HS6ST2: variants seen among roughly 807,000 people sequenced by gnomAD.
HS6ST2 encodes heparan-sulfate 6-O-sulfotransferase 2.
HS6ST2 carries 17 observed loss-of-function variants against 33.0 expected under a neutral mutation model. The observed-to-expected ratio is 0.52, with a 90% confidence interval of 0.35 to 0.77. The LOEUF (loss-of-function observed/expected upper bound fraction) is 0.77. Among genes scored for constraint, HS6ST2 ranks in the 30% least tolerant of loss-of-function variants. HS6ST2 has a pLI of 0.01. For missense variants in HS6ST2, 519 were observed against 551.7 expected (o/e 0.94, Z 0.59); for synonymous variants, 248 against 237.1 (o/e 1.05, Z -0.42).
At chrX:132,711,017 C>T (rs979621242) in intron 2 of HS6ST2, among the ~76,000 whole-genome samples, 1 of 111,743 alleles carries the variant, frequency 8.9e-6, no homozygotes, top group Non-Finnish European at 1.9e-5. Flanking sequence ...GGTTACCATG[C>T]CCATGACCCA....
At chrX:132,944,840 T>A (rs1281568724) in intron 2 of HS6ST2, among the ~76,000 whole-genome samples, 2 of 110,573 alleles carry the variant, frequency 1.8e-5, no homozygotes, top group Non-Finnish European at 3.8e-5. Flanking sequence ...TTACACCTTA[T>A]ACAAAAATTA....
intron 2 of HS6ST2, among the ~76,000 whole-genome samples, chrX:132,867,105 T>C (rs1196234637): frequency 1.0e-5 from 1 of 98,320 alleles, no homozygotes; most frequent in Non-Finnish European, 2.0e-5. Flanking sequence ...AGTATGATAT[T>C]GGCTGTGGGT....
chrX:132,899,152 T>C, intron 2 of HS6ST2, among the ~76,000 whole-genome samples: 1 of 111,778 alleles, frequency 8.9e-6, no homozygotes, highest in East Asian at 2.8e-4. Context: ...TCCAATTAAC[T>C]GCATGCTGGT....
chrX:132,746,834 C>T (rs1363311649), intron 2 of HS6ST2, among the ~76,000 whole-genome samples: 1 of 111,990 alleles, frequency 8.9e-6, no homozygotes, highest in Non-Finnish European at 1.9e-5. Context: ...GAGCAGGGCT[C>T]TTCAGGACTT....
chrX:132,759,801 A>T (rs1279782903), intron 2 of HS6ST2, among the ~76,000 whole-genome samples: 2 of 112,112 alleles, frequency 1.8e-5, no homozygotes, highest in Admixed American at 9.4e-5. Flanking sequence ...ACAATCAGCT[A>T]AGATCACCAC....
chrX:132,648,797 G>A (rs2063666645), intron 4 of HS6ST2, among the ~76,000 whole-genome samples: 1 of 111,558 alleles, frequency 9.0e-6, no homozygotes, highest in South Asian at 3.8e-4. Flanking sequence ...CTGATTCTTG[G>A]TTGGGTCAAT....
chrX:132,783,646 AG>A (rs2065034483), intron 2 of HS6ST2, among the ~76,000 whole-genome samples: 1 of 110,976 alleles, frequency 9.0e-6, no homozygotes, highest in African/African-American at 3.3e-5. Context: ...GGGAATTCCC[AG>A]GGAGACCCCA....
intron 2 of HS6ST2, among the ~76,000 whole-genome samples, chrX:132,910,104 C>A (rs2066518658): frequency 8.9e-6 from 1 of 111,918 alleles, no homozygotes; most frequent in South Asian, 3.8e-4. Flanking sequence ...CATCTGGAAT[C>A]CTGAAAGCCT....
intron 4 of HS6ST2, among the ~76,000 whole-genome samples, chrX:132,648,446 T>G (rs1451677590): frequency 1.8e-5 from 2 of 108,351 alleles, no homozygotes; most frequent in African/African-American, 6.8e-5. Flanking sequence ...ACTGTATTTA[T>G]CATTCTGAAA....
At chrX:132,880,915 T>C (rs2066164254) in intron 2 of HS6ST2, among the ~76,000 whole-genome samples, 1 of 109,577 alleles carries the variant, frequency 9.1e-6, no homozygotes, top group Non-Finnish European at 1.9e-5. Context: ...CTGAGAATGA[T>C]GGTTTCCAGC....
intron 2 of HS6ST2, among the ~76,000 whole-genome samples, chrX:132,797,102 A>C (rs2065188710): frequency 9.0e-6 from 1 of 111,338 alleles, no homozygotes; most frequent in Admixed American, 9.6e-5. Context: ...CCCTGACTGA[A>C]GCGGGGTATT....
chrX:132,743,191 G>A, intron 2 of HS6ST2, among the ~76,000 whole-genome samples: 1 of 112,810 alleles, frequency 8.9e-6, no homozygotes, highest in Non-Finnish European at 1.9e-5. Context: ...TAAAGGTCAA[G>A]CTGCAATCCA....
At position 132,807,019 on chromosome X, in the gene HS6ST2, G is replaced by A. The variant is rs971362675; in HGVS notation, c.948-98525C>T. ...CATTGAGACACAAGAAAGGTGAAAC[G>A]AGTTACCCAAGACTGCACAGCTACT... On this transcript the variant is annotated intron_variant, in intron 2 of 4. Coordinates refer to ENST00000370833, the MANE Select transcript of HS6ST2 (RefSeq NM_001394073.1). 1.6e-4 allele frequency among the ~76,000 whole-genome samples: 18 copies of A among 110,393 alleles called. 1 individual carries two copies. The highest frequency in any genetic ancestry group is 5.7e-5 in the Non-Finnish European group (3 of 52,235).
At chrX:132,746,277 C>T (rs1360325516) in intron 2 of HS6ST2, among the ~76,000 whole-genome samples, 1 of 110,852 alleles carries the variant, frequency 9.0e-6, no homozygotes, top group East Asian at 2.8e-4. Flanking sequence ...CTGAGGCAGG[C>T]GGATCATGAG....
intron 2 of HS6ST2, among the ~76,000 whole-genome samples, chrX:132,711,554 T>C (rs965219404): frequency 1.8e-5 from 2 of 111,544 alleles, no homozygotes; most frequent in African/African-American, 3.3e-5. Flanking sequence ...CCAGTTCCAA[T>C]ATTCTTTCAT....
At chrX:132,937,767 A>G (rs1000813365) in intron 2 of HS6ST2, among the ~76,000 whole-genome samples, 1 of 111,710 alleles carries the variant, frequency 9.0e-6, no homozygotes, top group African/African-American at 3.3e-5. Flanking sequence ...CAATCCAGCA[A>G]TATATAAAAA....
At chrX:132,849,456 C>T (rs939670491) in intron 2 of HS6ST2, among the ~76,000 whole-genome samples, 1 of 111,792 alleles carries the variant, frequency 8.9e-6, no homozygotes, top group Non-Finnish European at 1.9e-5. Flanking sequence ...AGGGGTTACA[C>T]TAACAATATC....
Position 132,837,888 on chromosome X carries a change from C to T in HS6ST2, c.947+118920G>A, listed in dbSNP as rs143021444. ...ATCTTGTAAGGAGTCATTGCTTAAT[C>T]AATGGCTTTGTTGTGAACAATTAAC... On this transcript the variant is annotated intron_variant, in intron 2 of 4. Coordinates refer to ENST00000370833, the MANE Select transcript of HS6ST2 (RefSeq NM_001394073.1). Among the ~76,000 whole-genome samples, 776 of 111,733 alleles carry T rather than the reference C, an allele frequency of 6.9e-3. 6 individuals are homozygous for T. Among genetic ancestry groups the T allele is most frequent in the African/African-American group, 0.024 (732 of 30,715 alleles).
chrX:132,637,878 A>AC (rs2063569867), intron 4 of HS6ST2, among the ~76,000 whole-genome samples: 1 of 43,071 alleles, frequency 2.3e-5, no homozygotes, highest in Non-Finnish European at 3.2e-5. Context: ...TATATATAAT[A>AC]TATATATAAT....
Sources: gnomAD v4.1 joint callset for allele counts (sites outside exome capture counted in the v4.1 genomes callset) on GRCh38, gnomAD v4.1.1 for gene constraint, MANE v1.5 for transcripts, NCBI Gene and HGNC (gene_info 2026-07-23, HGNC 2026-07-21) for gene names.